The following ARMC7 variants were observed in gnomAD, a reference collection of about 807,000 sequenced individuals.
ARMC7 encodes armadillo repeat containing 7, also known as armadillo repeat-containing protein 7.
ARMC7 carries 9 observed loss-of-function variants against 14.8 expected under a neutral mutation model. The ratio of observed to expected loss-of-function variants is 0.61; its 90% CI spans 0.37 to 1.06. The LOEUF (loss-of-function observed/expected upper bound fraction) is 1.06, where lower values mean the gene tolerates loss of function less well. Ranked by LOEUF, ARMC7 falls within the 50% of genes least tolerant of loss-of-function variation. The pLI, the probability that ARMC7 is intolerant of heterozygous loss-of-function variation, is 0.01. For synonymous variants in ARMC7, 125 were observed against 123.4 expected (o/e 1.01, Z -0.09); for missense variants, 262 against 267.1 (o/e 0.98, Z 0.13).
intron 2 of ARMC7, 27 bp downstream of exon 2, chr17:75,110,633 G>C: frequency 2.5e-6 from 4 of 1,613,232 alleles, no homozygotes; most frequent in Non-Finnish European, 3.4e-6. Flanking sequence ...TTCCCTAGAT[G>C]CCTAAATGGG....
chr17:75,114,787 C>G, intron 2 of ARMC7: 1 of 398,472 alleles, frequency 2.5e-6, no homozygotes, highest in Non-Finnish European at 4.4e-6. Flanking sequence ...TCCGTGGGAC[C>G]ATGTTGCAAT....
At chr17:75,117,353 A>T (rs1398487069) in intron 2 of ARMC7, among the ~76,000 whole-genome samples, 1 of 152,236 alleles carries the variant, frequency 6.6e-6, no homozygotes, top group Non-Finnish European at 1.5e-5. Context: ...CTGGGATTAC[A>T]GGCGTGAGCC....
In ARMC7 at chr17:75,130,151, A is replaced by G; in HGVS notation, c.*1113A>G. 3.9e-6 allele frequency: 1 copy of G among 257,908 alleles called. No homozygotes were observed. The highest frequency in any genetic ancestry group is 7.6e-6 in the Non-Finnish European group (1 of 131,752). The allele number at this position is 257,908 out of a possible 1,614,324, so 16.0% of individuals were successfully genotyped here. ...CAGATTAGGGGACCACTGGACTCAG[A>G]GGGGAGGGAAGGGCTCATCAGCACC... On this transcript the variant is annotated 3_prime_UTR_variant, in exon 3 of 3. Transcript: ENST00000245543.
At chr17:75,121,458 G>A (rs575453622) in intron 2 of ARMC7, among the ~76,000 whole-genome samples, 5 of 152,112 alleles carry the variant, frequency 3.3e-5, no homozygotes, top group African/African-American at 9.7e-5. Flanking sequence ...TGTCGCCTAC[G>A]CTGGAGCACA....
intron 2 of ARMC7, among the ~76,000 whole-genome samples, chr17:75,124,962 C>G (rs2074040650): frequency 6.6e-6 from 1 of 152,198 alleles, no homozygotes; most frequent in Non-Finnish European, 1.5e-5. Context: ...TACAGAATGC[C>G]ACAGCCACGC....
Position 75,129,058 on chromosome 17 carries a change from C to T in ARMC7, c.*20C>T, listed in dbSNP as rs750651334. ...CGCTGATCCATGGAGACTGCGAGAC[C>T]GTGGCACCCCTACTGCTGGAGACCA... On this transcript the variant is annotated 3_prime_UTR_variant, in exon 3 of 3. Transcript: ENST00000245543. The T allele has an allele frequency of 1.6e-5, 26 of 1,576,898 alleles. No individual in the cohort carries two copies. In the Admixed American group the frequency reaches 2.9e-4, roughly 18 times the overall value.
In ARMC7 at chr17:75,110,248, A is replaced by C; in HGVS notation, c.-41A>C. The C allele has an allele frequency of 6.5e-7, 1 of 1,527,394 alleles. No individual in the cohort carries two copies. The allele number at this position is 1,527,394 out of a possible 1,614,324, so 94.6% of individuals were successfully genotyped here. Reference sequence around the variant, plus strand: ...TCGGCTTTCCCCCTGCACCTTTCCCACCCTCCCGCCCGTCCCTGGGGGTCC... The same window carrying C: ...TCGGCTTTCCCCCTGCACCTTTCCCCCCCTCCCGCCCGTCCCTGGGGGTCC... On this transcript the variant is annotated 5_prime_UTR_variant, in exon 1 of 3. Transcript: ENST00000245543.
At chr17:75,112,236 A>G (rs1249983535) in intron 2 of ARMC7, among the ~76,000 whole-genome samples, 1 of 152,198 alleles carries the variant, frequency 6.6e-6, no homozygotes, top group Non-Finnish European at 1.5e-5. Context: ...AGGAGTTTAG[A>G]TCTAGGCCGT....
chr17:75,124,672 A>C (rs545420845), intron 2 of ARMC7, among the ~76,000 whole-genome samples: 41 of 151,700 alleles, frequency 2.7e-4, no homozygotes, highest in African/African-American at 9.4e-4. Context: ...CGTTGTCCTT[A>C]CTGCTTCCAG....
intron 2 of ARMC7, among the ~76,000 whole-genome samples, chr17:75,125,096 G>A (rs553618948): frequency 6.6e-6 from 1 of 152,314 alleles, no homozygotes; most frequent in Admixed American, 6.5e-5. Context: ...CTCTTTCTCA[G>A]GACTCCAGAG....
chr17:75,115,048 CTT>C (rs1219621788), intron 2 of ARMC7, among the ~76,000 whole-genome samples: 1 of 152,164 alleles, frequency 6.6e-6, no homozygotes, highest in Non-Finnish European at 1.5e-5. Flanking sequence ...CAGAGCCAGC[CTT>C]ACTTCTGTCT....
intron 2 of ARMC7, among the ~76,000 whole-genome samples, chr17:75,126,039 T>G (rs889477337): frequency 1.6e-4 from 24 of 152,292 alleles, no homozygotes; most frequent in African/African-American, 5.8e-4. Context: ...AAGTCTTCTC[T>G]TTGTTAGTTT....
In ARMC7 at chr17:75,129,317, TG is replaced by T. The variant is rs2074082445; in HGVS notation, c.*280del. 1 of 512,700 alleles carries T rather than the reference TG, an allele frequency of 2.0e-6. No homozygotes were observed. Among genetic ancestry groups the T allele is most frequent in the Non-Finnish European group, 3.4e-6 (1 of 290,806 alleles). The allele number at this position is 512,700 out of a possible 1,614,324, so 31.8% of individuals were successfully genotyped here. On this transcript the variant is annotated 3_prime_UTR_variant, in exon 3 of 3. Transcript: ENST00000245543. The stretch of plus-strand genomic sequence containing the variant: ...CACCACCACCAGACTCAGGCCCTGG[TG>T]TAAGAAGCGGCCAAGTGCCTGGACC...
chr17:75,114,866 G>A, intron 2 of ARMC7: 2 of 395,450 alleles, frequency 5.1e-6, no homozygotes, highest in Non-Finnish European at 8.9e-6. Context: ...CTGAGAAGGA[G>A]AGCCCCCGCG....
At chr17:75,111,465 C>T (rs914453364) in intron 2 of ARMC7, among the ~76,000 whole-genome samples, 2 of 150,800 alleles carry the variant, frequency 1.3e-5, no homozygotes, top group African/African-American at 4.9e-5. Flanking sequence ...CAATTTCAGG[C>T]GGGTGAGGTG....
Position 75,110,076 on chromosome 17 carries a change from A to G in ARMC7, c.-213A>G, listed in dbSNP as rs970704183. 13 of 540,984 alleles carry G rather than the reference A, an allele frequency of 2.4e-5. No homozygotes were observed. In the African/African-American group the frequency reaches 2.5e-4, roughly 10 times the overall value. The allele number at this position is 540,984 out of a possible 1,614,324, so 33.5% of individuals were successfully genotyped here. ...GCCCCAATTTCGATTTTCAAACGCA[A>G]CTCCTACAGGATTCTGAGACCCCGT... is the stretch of plus-strand genomic sequence containing the variant. On this transcript the variant is annotated 5_prime_UTR_variant, in exon 1 of 3. Transcript: ENST00000245543.
At chr17:75,119,990 C>T (rs965491987) in intron 2 of ARMC7, among the ~76,000 whole-genome samples, 3 of 152,052 alleles carry the variant, frequency 2.0e-5, no homozygotes, top group African/African-American at 7.2e-5. Flanking sequence ...TTGCAACCTC[C>T]GCCTCCCAAG....
At position 75,128,748 on chromosome 17, in the gene ARMC7, A is replaced by G. The variant is rs1365747576; in HGVS notation, c.307A>G (p.Ile103Val). The change falls in exon 3 of 3, where the codon ATC becomes GTC. Residue 103 changes from isoleucine to valine, a missense_variant. Transcript: ENST00000245543. ...CCTGCACGCAGGAGGTGTCCCACTC[A>G]TCATCAACTGCCTATCCAGCCCCAA... is the stretch of plus-strand genomic sequence containing the variant. Reference protein sequence around the residue: ...HILHAGGVPLIINCLSSPNEE... With the variant: ...HILHAGGVPLVINCLSSPNEE... 1 of 1,613,136 alleles carries G rather than the reference A, an allele frequency of 6.2e-7. No homozygotes were observed. The highest frequency in any genetic ancestry group is 1.1e-5 in the South Asian group (1 of 91,080).
intron 2 of ARMC7, among the ~76,000 whole-genome samples, chr17:75,127,253 CTAAA>C (rs1159823315): frequency 6.6e-6 from 1 of 152,168 alleles, no homozygotes; most frequent in Non-Finnish European, 1.5e-5. Context: ...CCCATTTTTA[CTAAA>C]TACTTACATA....
Sources: gnomAD v4.1 joint callset for allele counts (sites outside exome capture counted in the v4.1 genomes callset) on GRCh38, gnomAD v4.1.1 for gene constraint, MANE v1.5 for transcripts, NCBI Gene and HGNC (gene_info 2026-07-23, HGNC 2026-07-21) for gene names.